Variants in MAST4 observed in about 807,000 individuals in gnomAD.
The protein encoded by MAST4 is microtubule associated serine/threonine kinase family member 4.
In MAST4, 89 loss-of-function variants were observed where a neutral mutation model predicts 162.7. That is an observed-to-expected ratio of 0.55 (90% confidence interval 0.46 to 0.65). MAST4 has a LOEUF of 0.65. Among genes scored for constraint, MAST4 ranks in the 30% least tolerant of loss-of-function variants. The pLI is 0.00. For synonymous variants in MAST4, 1,479 were observed against 1,361.1 expected, an observed-to-expected ratio of 1.09 and a Z score of -1.91; for missense variants, 3,153 against 3,374.0, an observed-to-expected ratio of 0.93 and a Z score of 1.62.
chr5:66,819,420 C>T (rs577922827), intron 3 of MAST4, among the ~76,000 whole-genome samples: 13 of 152,212 alleles, frequency 8.5e-5, no homozygotes, highest in East Asian at 1.9e-4. Context: ...ATTCATTTAA[C>T]GTAATGCCTC....
At chr5:67,051,342 G>T (rs1428979225) in intron 4 of MAST4, among the ~76,000 whole-genome samples, 2 of 152,106 alleles carry the variant, frequency 1.3e-5, no homozygotes, top group Admixed American at 1.3e-4. Context: ...CTGACGTGCA[G>T]GTGCCATAAA....
intron 3 of MAST4, among the ~76,000 whole-genome samples, chr5:66,815,028 A>G (rs895206365): frequency 6.6e-6 from 1 of 152,212 alleles, no homozygotes; most frequent in Non-Finnish European, 1.5e-5. Context: ...GATTCCTACC[A>G]GTAACTTTTT....
chr5:66,965,591 G>GGA (rs1022515330), intron 4 of MAST4, among the ~76,000 whole-genome samples: 2 of 130,352 alleles, frequency 1.5e-5, no homozygotes, highest in Non-Finnish European at 3.3e-5. Context: ...TGGGGGCGGG[G>GGA]GGGGGGGCGG....
chr5:67,033,282 T>C (rs181774753), intron 4 of MAST4, among the ~76,000 whole-genome samples: 1 of 150,244 alleles, frequency 6.7e-6, no homozygotes, highest in Non-Finnish European at 1.5e-5. Flanking sequence ...CAGCTGAGAG[T>C]TGTAAGGATT....
At chr5:67,076,858 C>T (rs968772885) in intron 5 of MAST4, among the ~76,000 whole-genome samples, 7 of 152,318 alleles carry the variant, frequency 4.6e-5, no homozygotes, top group African/African-American at 1.7e-4. Context: ...CCATCGCCAC[C>T]GCCACAGACT....
At chr5:67,051,462 C>G (rs559025887) in intron 4 of MAST4, among the ~76,000 whole-genome samples, 31 of 152,184 alleles carry the variant, frequency 2.0e-4, no homozygotes, top group African/African-American at 7.5e-4. Context: ...GCTGTGGCAA[C>G]CTGGGTGACA....
intron 2 of MAST4, among the ~76,000 whole-genome samples, chr5:66,779,114 A>G (rs1754733702): frequency 6.6e-6 from 1 of 152,226 alleles, no homozygotes; most frequent in Admixed American, 6.5e-5. Flanking sequence ...GCTGGTGATA[A>G]TATTCTAAAA....
chr5:66,816,218 T>C (rs1281756691), intron 3 of MAST4, among the ~76,000 whole-genome samples: 1 of 152,188 alleles, frequency 6.6e-6, no homozygotes, highest in East Asian at 1.9e-4. Context: ...TGAGATTTTT[T>C]TTTGTGATTC....
At chr5:66,841,484 C>A (rs1430219075) in intron 3 of MAST4, among the ~76,000 whole-genome samples, 1 of 152,148 alleles carries the variant, frequency 6.6e-6, no homozygotes, top group East Asian at 1.9e-4. Context: ...GCCCACAGTT[C>A]TGGAGACTCA....
At chr5:66,838,639 G>A (rs932419702) in intron 3 of MAST4, among the ~76,000 whole-genome samples, 5 of 152,290 alleles carry the variant, frequency 3.3e-5, no homozygotes, top group South Asian at 2.1e-4. Context: ...CCTGCTCTGC[G>A]GAAGGAAGCC....
chr5:67,164,789 C>T lies in MAST4; in HGVS notation c.5610C>T (p.Tyr1870=). The T allele has an allele frequency of 1.2e-6, 2 of 1,614,022 alleles. No individual in the cohort carries two copies. The highest frequency in any genetic ancestry group is 1.7e-6 in the Non-Finnish European group (2 of 1,179,900). Residue 1870 remains tyrosine (Y), a synonymous_variant, in exon 29 of 29, where the codon TAC becomes TAT. Transcript: ENST00000403625. This position sits in a 1 kb window ranked among gnomAD's most constrained non-coding sequence, Gnocchi z 5.3. ...SPSSLKMNKS[Y]LLEPWFLPPS... ...CCAGCTTAAAGATGAATAAATCCTA[C>T]CTGCTGGAGCCTTGGTTCCTGCCCC... is the stretch of plus-strand genomic sequence containing the variant.
intron 4 of MAST4, among the ~76,000 whole-genome samples, chr5:67,025,639 G>A (rs1581242197): frequency 6.6e-6 from 1 of 152,182 alleles, no homozygotes; most frequent in African/African-American, 2.4e-5. Flanking sequence ...TGGCATAATT[G>A]AGGGGATGTT....
chr5:67,109,404 T>C (rs1765961431), intron 10 of MAST4, among the ~76,000 whole-genome samples: 1 of 152,120 alleles, frequency 6.6e-6, no homozygotes, highest in Non-Finnish European at 1.5e-5. Context: ...GTGTATTAGG[T>C]GTACATGAAA....
chr5:66,847,830 A>AAAAAAG (rs1758980420), intron 3 of MAST4, among the ~76,000 whole-genome samples: 1 of 150,824 alleles, frequency 6.6e-6, no homozygotes, highest in Admixed American at 6.6e-5. Context: ...CAAAAAAAAA[A>AAAAAAG]AAAAAAAAAA....
chr5:66,916,887 C>T, intron 4 of MAST4: 1 of 672,140 alleles, frequency 1.5e-6, no homozygotes, highest in Non-Finnish European at 2.8e-6. Context: ...TTGTTGTTTT[C>T]AGTACTCCCT....
chr5:67,115,422 T>C (rs1163231954), intron 12 of MAST4, among the ~76,000 whole-genome samples: 1 of 152,250 alleles, frequency 6.6e-6, no homozygotes, highest in Non-Finnish European at 1.5e-5. Flanking sequence ...CTCTCCTGTT[T>C]CCCGGCTTTG....
intron 3 of MAST4, among the ~76,000 whole-genome samples, chr5:66,830,727 T>C (rs1561361982): frequency 6.6e-6 from 1 of 152,236 alleles, no homozygotes; most frequent in African/African-American, 2.4e-5. Flanking sequence ...TAGCTGTTTT[T>C]AGAAATTCCA....
intron 4 of MAST4, among the ~76,000 whole-genome samples, chr5:66,996,802 T>A (rs1451406963): frequency 1.3e-5 from 2 of 152,180 alleles, no homozygotes; most frequent in Non-Finnish European, 2.9e-5. Flanking sequence ...AAGGCCCACC[T>A]GGATAACCTA....
At chr5:66,876,158 A>AC (rs905215072) in intron 3 of MAST4, among the ~76,000 whole-genome samples, 2 of 152,160 alleles carry the variant, frequency 1.3e-5, no homozygotes, top group Non-Finnish European at 2.9e-5. Context: ...TTTAATTCTT[A>AC]CCCCCAGAGT....
Sources: gnomAD v4.1 joint callset for allele counts (sites outside exome capture counted in the v4.1 genomes callset) on GRCh38, gnomAD v4.1.1 for gene constraint, Gnocchi (gnomAD v3.1) non-coding constraint, MANE v1.5 for transcripts, NCBI Gene and HGNC (gene_info 2026-07-23, HGNC 2026-07-21) for gene names.